Variants in GBA2 observed in about 807,000 individuals in gnomAD.
GBA2 encodes the protein glucosylceramidase beta 2.
In GBA2, 79 loss-of-function variants were observed where a neutral mutation model predicts 112.9. The ratio of observed to expected loss-of-function variants is 0.70; its 90% CI spans 0.58 to 0.84. The LOEUF (loss-of-function observed/expected upper bound fraction) is 0.84. Among genes scored for constraint, GBA2 ranks in the 40% least tolerant of loss-of-function variants. The probability of loss-of-function intolerance (pLI) is 0.00; values close to 1 mark genes in which losing one functional copy is unlikely to be tolerated. For synonymous variants in GBA2, 403 were observed against 434.3 expected, an observed-to-expected ratio of 0.93 and a Z score of 0.90; for missense variants, 1,043 against 1,190.0, an observed-to-expected ratio of 0.88 and a Z score of 1.82.
rs752951773 is a variant in GBA2, at chr9:35,739,080, G to C, written c.1717C>G (p.Arg573Gly). Residue 573 changes from arginine (R) to glycine (G), a missense_variant, in exon 11 of 17, where the codon CGG becomes GGG. Transcript: ENST00000378103. ...ACCCCACTCATCAGGTACCGTCGCC[G>C]TGTCAGGTCCTCCCTGAGAGTGGCC... is the stretch of plus-strand genomic sequence containing the variant. Reference protein sequence around the residue: ...ALATLREDLTRRRYLMSGVMA... With the variant: ...ALATLREDLTGRRYLMSGVMA... 9.7e-5 allele frequency: 157 copies of C among 1,610,736 alleles called. No individual in the cohort carries two copies. The South Asian group carries it at 1.7e-3, about 17-fold the overall frequency.
Position 35,744,463 on chromosome 9 carries a change from A to T in GBA2, c.452-51T>A, listed in dbSNP as rs777585211. On this transcript the variant is annotated intron_variant, in intron 2 of 16. Transcript: ENST00000378103. ...GGTATTGGGAGAGGAAAATAAGCCC[A>T]TTTCTAACTTTCTAGACTATAAAGC... The T allele has an allele frequency of 5.9e-6, 7 of 1,184,480 alleles. No individual in the cohort carries two copies. In the South Asian group the frequency reaches 8.5e-5, roughly 14 times the overall value. The allele number at this position is 1,184,480 out of a possible 1,614,324, so 73.4% of individuals were successfully genotyped here.
rs140005552 is a variant in GBA2, at chr9:35,742,102, G to A, written c.568-212C>T. ...AAGCTTTCTCTCCCTTCTCCACTAC[G>A]GTGGTGTTAGCACCTCACTTAAGCC... On this transcript the variant is annotated intron_variant, in intron 3 of 16. Transcript: ENST00000378103. 6.6e-4 allele frequency: 398 copies of A among 601,762 alleles called. 3 individuals are homozygous for A. In the East Asian group the frequency reaches 9.6e-3, roughly 15 times the overall value. 37.3% of individuals were successfully genotyped at this position (601,762 alleles called of 1,614,324 possible).
At chr9:35,744,757 C>A in intron 1 of GBA2, 51 bp from the exon 2 acceptor site, 1 of 982,462 alleles carries the variant, frequency 1.0e-6, no homozygotes, top group South Asian at 1.3e-5. Flanking sequence ...GGCAGCTGTT[C>A]ACAGGCTGAG....
chr9:35,737,278 T>C lies in GBA2; in HGVS notation c.2675A>G (p.Gln892Arg). 1 of 1,614,132 alleles carries C rather than the reference T, an allele frequency of 6.2e-7. No homozygotes were observed. Among genetic ancestry groups the C allele is most frequent in the South Asian group, 1.1e-5 (1 of 91,088 alleles). ...CCAGGAGGCCTTTTTGTGCTGCTGCTGTTGCAGGGCTAGCTGCATGGCCCA... is the reference window on the plus strand; with the variant it reads ...CCAGGAGGCCTTTTTGTGCTGCTGCCGTTGCAGGGCTAGCTGCATGGCCCA... ...SIWAMQLALQ[Q>R]QQHKKASWPK... is the part of the protein sequence containing the mutation. The change falls in exon 17 of 17, where the codon CAG (glutamine) becomes CGG (arginine). Residue 892 changes from glutamine to arginine, a missense_variant. Transcript: ENST00000378103. This position sits in a 1 kb window ranked among gnomAD's most constrained non-coding sequence, Gnocchi z 4.1.
At position 35,737,988 on chromosome 9, in the gene GBA2, T is replaced by C; in HGVS notation, c.2313+49A>G. Reference sequence around the variant, plus strand: ...TGGTCTCATATACTTACTTCCCACCTCCAGGGAAAACCCATTTTTCTCTCT... The same window carrying C: ...TGGTCTCATATACTTACTTCCCACCCCCAGGGAAAACCCATTTTTCTCTCT... On this transcript the variant is annotated intron_variant, in intron 15 of 16. Transcript: ENST00000378103. This position sits in a 1 kb window ranked among gnomAD's most constrained non-coding sequence, Gnocchi z 4.1. The C allele has an allele frequency of 6.3e-7, 1 of 1,596,236 alleles. No individual in the cohort carries two copies. The highest frequency in any genetic ancestry group is 1.1e-5 in the South Asian group (1 of 90,256).
chr9:35,744,578 C>A, intron 2 of GBA2, 37 bp downstream of exon 2: 1 of 1,305,082 alleles, frequency 7.7e-7, no homozygotes, highest in Non-Finnish European at 1.1e-6. Flanking sequence ...GGAGGCTAGG[C>A]CTTCTCTGAG....
intron 1 of GBA2, among the ~76,000 whole-genome samples, chr9:35,745,072 A>G (rs990189247): frequency 6.6e-6 from 1 of 152,120 alleles, no homozygotes; most frequent in African/African-American, 2.4e-5. Flanking sequence ...CCCTACCTCC[A>G]AAACAGGCAT....
chr9:35,740,877 T>C lies in GBA2; in HGVS notation c.974A>G (p.His325Arg), dbSNP rs748337634. 5.6e-6 allele frequency: 9 copies of C among 1,613,734 alleles called. No homozygotes were observed. Among genetic ancestry groups the C allele is most frequent in the South Asian group, 3.3e-5 (3 of 91,058 alleles). Reference protein sequence around the residue: ...SGETVRGLLLHHPTLPNPYTM... With the variant: ...SGETVRGLLLRHPTLPNPYTM... ...GTAGGGGTTTGGAAGGGTTGGATGA[T>C]GCAGGAGCAGCCCCCGGACAGTTTC... The change falls in exon 5 of 17, where the codon CAT becomes CGT. Residue 325 changes from histidine to arginine, a missense_variant. Transcript: ENST00000378103. The surrounding 1 kb of genome is among the most constrained non-coding windows in gnomAD (Gnocchi z 4.7).
Position 35,737,294 on chromosome 9 carries a change from G to C in GBA2, c.2659C>G (p.Gln887Glu), listed in dbSNP as rs918460586. 3.1e-6 allele frequency: 5 copies of C among 1,613,910 alleles called. No homozygotes were observed. The African/African-American group carries it at 5.3e-5, about 17-fold the overall frequency. ...YMRPLSIWAM[Q>E]LALQQQQHKK... ...TGCTGCTGCTGTTGCAGGGCTAGCT[G>C]CATGGCCCATATGCTCAGTGGCCGC... Residue 887 changes from glutamine to glutamate, a missense_variant, in exon 17 of 17, where the codon CAG becomes GAG. Transcript: ENST00000378103. This position sits in a 1 kb window ranked among gnomAD's most constrained non-coding sequence, Gnocchi z 4.1.
chr9:35,745,799 C>A (rs1826942088), intron 1 of GBA2, among the ~76,000 whole-genome samples: 1 of 152,160 alleles, frequency 6.6e-6, no homozygotes, highest in Non-Finnish European at 1.5e-5. Context: ...GTAGCCCCTG[C>A]CCTGCCAGAC....
rs1826675855 is a variant in GBA2, at chr9:35,741,430, G to T, written c.786+242C>A. 1.8e-6 allele frequency: 1 copy of T among 549,370 alleles called. No individual in the cohort carries two copies. 34.0% of individuals were successfully genotyped at this position (549,370 alleles called of 1,614,324 possible). A position where few individuals can be genotyped will look rare whatever the true frequency, so the allele number is the denominator to read the frequency against. On this transcript the variant is annotated intron_variant, in intron 4 of 16. Coordinates refer to ENST00000378103, the MANE Select transcript of GBA2 (RefSeq NM_020944.3). This position sits in a 1 kb window ranked among gnomAD's most constrained non-coding sequence, Gnocchi z 4.6. ...CTGCCTCAGCCTCCCGAGTAGCTGG[G>T]ACTACAGGTGCCTGCCACAACGCCC...
At chr9:35,739,209 C>T in intron 10 of GBA2, 100 bp from the exon 11 acceptor site, 4 of 1,018,892 alleles carry the variant, frequency 3.9e-6, no homozygotes, top group Non-Finnish European at 6.2e-6. Flanking sequence ...AAGCAGCATG[C>T]AGATACGTAT....
intron 3 of GBA2, 188 bp from the exon 4 acceptor site, chr9:35,742,078 A>G (rs75894508): frequency 4.8e-6 from 3 of 623,024 alleles, no homozygotes; most frequent in Admixed American, 2.4e-5. Context: ...CTATCTCCCA[A>G]GCTTTCTCTC....
Position 35,748,560 on chromosome 9 carries a change from C to T in GBA2, c.145G>A (p.Glu49Lys), listed in dbSNP as rs746551074. The change falls in exon 1 of 17, where the codon GAA becomes AAA. Residue 49 changes from glutamate to lysine, a missense_variant. Transcript: ENST00000378103. Reference protein sequence around the residue: ...DVQVTDCKSPEDSRPPKETDC... With the variant: ...DVQVTDCKSPKDSRPPKETDC... ...GTCTCTTTTGGGGGTCGGCTGTCTT[C>T]GGGACTCTTACAGTCTGTAACCTGC... 1.9e-6 allele frequency: 3 copies of T among 1,614,156 alleles called. No homozygotes were observed. Among genetic ancestry groups the T allele is most frequent in the Non-Finnish European group, 8.5e-7 (1 of 1,180,014 alleles).
chr9:35,741,661 G>A lies in GBA2; in HGVS notation c.786+11C>T. The stretch of plus-strand genomic sequence containing the variant: ...GGAGGGCAATGGAAGATACAGATGT[G>A]GGGGCCTCACCTGGTAGTCATGGGG... On this transcript the variant is annotated intron_variant, in intron 4 of 16. Coordinates refer to ENST00000378103, the MANE Select transcript of GBA2 (RefSeq NM_020944.3). The surrounding 1 kb of genome is among the most constrained non-coding windows in gnomAD (Gnocchi z 4.6). The A allele has an allele frequency of 6.6e-7, 1 of 1,518,624 alleles. No individual in the cohort carries two copies. The highest frequency in any genetic ancestry group is 1.4e-5 in the African/African-American group (1 of 73,060). The allele number at this position is 1,518,624 out of a possible 1,614,324, so 94.1% of individuals were successfully genotyped here. A position where few individuals can be genotyped will look rare whatever the true frequency, so the allele number is the denominator to read the frequency against.
chr9:35,736,964 G>C lies in GBA2; in HGVS notation c.*205C>G, dbSNP rs1826240326. 2 of 844,272 alleles carry C rather than the reference G, an allele frequency of 2.4e-6. No individual in the cohort carries two copies. Among genetic ancestry groups the C allele is most frequent in the Non-Finnish European group, 1.8e-6 (1 of 558,868 alleles). 52.3% of individuals were successfully genotyped at this position (844,272 alleles called of 1,614,324 possible). A position where few individuals can be genotyped will look rare whatever the true frequency, so the allele number is the denominator to read the frequency against. ...TCCCTGAACATTTCACGCAGTCAGGGAACAGGTGAGGAAAGAAATAAATAA... is the reference window on the plus strand; with the variant it reads ...TCCCTGAACATTTCACGCAGTCAGGCAACAGGTGAGGAAAGAAATAAATAA... On this transcript the variant is annotated 3_prime_UTR_variant, in exon 17 of 17. Coordinates refer to ENST00000378103, the MANE Select transcript of GBA2 (RefSeq NM_020944.3).
intron 3 of GBA2, among the ~76,000 whole-genome samples, chr9:35,742,967 C>T (rs1191642093): frequency 6.6e-6 from 1 of 152,164 alleles, no homozygotes; most frequent in Non-Finnish European, 1.5e-5. Flanking sequence ...AATATGTACA[C>T]ACTTTATTTA....
At chr9:35,743,264 C>T (rs1826799287) in intron 3 of GBA2, 1 of 153,774 alleles carries the variant, frequency 6.5e-6, no homozygotes. Context: ...CCCAACCTTT[C>T]CATTTACCAA....
rs781093386 is a variant in GBA2 at position 35,748,471 on chromosome 9, G to A, written c.234C>T (p.Gly78=). 9.9e-6 allele frequency: 16 copies of A among 1,613,922 alleles called. No homozygotes were observed. The highest frequency in any genetic ancestry group is 1.2e-5 in the Non-Finnish European group (14 of 1,179,870). ...LMVSYEGKAM[G]YQVPPFGWRI... Reference sequence around the variant, plus strand: ...GCCAGCCAAAGGGAGGCACCTGGTAGCCCATAGCTTTACCCTCATAGGAAA... The same window carrying A: ...GCCAGCCAAAGGGAGGCACCTGGTAACCCATAGCTTTACCCTCATAGGAAA... The change falls in exon 1 of 17, where the codon GGC becomes GGT. Residue 78 remains glycine (G), a synonymous_variant. Coordinates refer to ENST00000378103, the MANE Select transcript of GBA2 (RefSeq NM_020944.3).
Sources: allele counts gnomAD v4.1 joint callset (sites outside exome capture counted in the v4.1 genomes callset), GRCh38; gene constraint gnomAD v4.1.1; non-coding constraint Gnocchi (gnomAD v3.1); transcripts MANE v1.5; gene names NCBI Gene and HGNC (gene_info 2026-07-23, HGNC 2026-07-21).